Variants in FAM13A observed in about 807,000 individuals in gnomAD.
The protein encoded by FAM13A is family with sequence similarity 13 member A, also known as protein FAM13A.
FAM13A carries 76 observed loss-of-function variants against 129.6 expected under a neutral mutation model. The observed-to-expected ratio is 0.59, with a 90% confidence interval of 0.49 to 0.71. The LOEUF (loss-of-function observed/expected upper bound fraction) is 0.71. FAM13A is among the 30% of genes least tolerant of loss of function. FAM13A has a pLI of 0.00. For synonymous variants in FAM13A, 443 were observed against 449.9 expected (o/e 0.98, Z 0.20); for missense variants, 1,108 against 1,249.3 (o/e 0.89, Z 1.70).
rs544211559 is a variant in FAM13A at position 88,866,806 on chromosome 4, T to C, written c.844-15623A>G. Among the ~76,000 whole-genome samples, 102 of 152,314 alleles carry C rather than the reference T, an allele frequency of 6.7e-4. 1 individual carries two copies. Among genetic ancestry groups the C allele is most frequent in the African/African-American group, 2.5e-3 (102 of 41,558 alleles). ...AAATAGAATGTTTTAGAGAGAAATA[T>C]GGCGACATACACTCTTCCTGAAAAT... On this transcript the variant is annotated intron_variant, in intron 6 of 23. Coordinates refer to ENST00000264344, the MANE Select transcript of FAM13A (RefSeq NM_014883.4).
Position 88,976,010 on chromosome 4 carries a change from T to C in FAM13A, c.605+14963A>G, listed in dbSNP as rs541360104. On this transcript the variant is annotated intron_variant, in intron 4 of 23. Coordinates refer to ENST00000264344, the MANE Select transcript of FAM13A (RefSeq NM_014883.4). ...CATTTTATAGAGCCTTAGGTCATCCTTTGTTAAATAAAATGTACTGCGCTG... is the reference window on the plus strand; with the variant it reads ...CATTTTATAGAGCCTTAGGTCATCCCTTGTTAAATAAAATGTACTGCGCTG... 7.4e-4 allele frequency among the ~76,000 whole-genome samples: 112 copies of C among 152,318 alleles called. 1 individual carries two copies. The highest frequency in any genetic ancestry group is 1.3e-3 in the Admixed American group (20 of 15,298).
chr4:88,773,810 T>C (rs1178985098), intron 11 of FAM13A, among the ~76,000 whole-genome samples: 1 of 152,204 alleles, frequency 6.6e-6, no homozygotes, highest in Non-Finnish European at 1.5e-5. Context: ...CTGTCAATTA[T>C]TTTACTTTAG....
chr4:89,008,243 C>A (rs1217008950), intron 3 of FAM13A, among the ~76,000 whole-genome samples: 3 of 152,112 alleles, frequency 2.0e-5, no homozygotes, highest in Non-Finnish European at 4.4e-5. Context: ...GACGCCCTAG[C>A]CCCCAATGTG....
intron 4 of FAM13A, among the ~76,000 whole-genome samples, chr4:88,947,285 C>T (rs1042400955): frequency 1.3e-5 from 2 of 152,144 alleles, no homozygotes; most frequent in Admixed American, 6.6e-5. Context: ...GTAGTGTGCA[C>T]CTGTAGTCCC....
chr4:88,871,825 C>T (rs141811660), intron 6 of FAM13A, among the ~76,000 whole-genome samples: 1 of 152,046 alleles, frequency 6.6e-6, no homozygotes, highest in African/African-American at 2.4e-5. Flanking sequence ...AGAAAAGCAA[C>T]CCCAAGACAC....
At chr4:89,053,981 A>C (rs1411045806) in intron 1 of FAM13A, among the ~76,000 whole-genome samples, 1 of 152,164 alleles carries the variant, frequency 6.6e-6, no homozygotes. Flanking sequence ...AGAGACTAAA[A>C]TAACATGAAC....
intron 4 of FAM13A, among the ~76,000 whole-genome samples, chr4:88,967,300 G>A (rs974320589): frequency 4.6e-5 from 7 of 152,152 alleles, no homozygotes; most frequent in Admixed American, 3.9e-4. Context: ...TGCACAGTAT[G>A]GTGAGAATAA....
intron 4 of FAM13A, among the ~76,000 whole-genome samples, chr4:88,957,630 G>A (rs1178819135): frequency 2.0e-5 from 3 of 152,202 alleles, no homozygotes; most frequent in East Asian, 1.9e-4. Flanking sequence ...AACAGGCAGA[G>A]GTTGGAAGAG....
chr4:88,869,785 G>GAA (rs1213419445), intron 6 of FAM13A, among the ~76,000 whole-genome samples: 3 of 151,990 alleles, frequency 2.0e-5, no homozygotes, highest in Non-Finnish European at 2.9e-5. Flanking sequence ...TATGTATTCT[G>GAA]AAAAAAATAA....
At chr4:88,803,426 T>C (rs538796817) in intron 8 of FAM13A, among the ~76,000 whole-genome samples, 2 of 152,336 alleles carry the variant, frequency 1.3e-5, no homozygotes, top group East Asian at 3.9e-4. Flanking sequence ...TACTGTATTT[T>C]CTTGTACTTT....
At chr4:89,023,031 C>T (rs1027118154) in intron 2 of FAM13A, among the ~76,000 whole-genome samples, 10 of 152,170 alleles carry the variant, frequency 6.6e-5, no homozygotes, top group Non-Finnish European at 1.5e-4. Context: ...TATCTGGATT[C>T]CTGACCCACA....
intron 3 of FAM13A, among the ~76,000 whole-genome samples, chr4:89,017,776 G>T (rs1203362969): frequency 6.6e-6 from 1 of 152,014 alleles, no homozygotes; most frequent in East Asian, 1.9e-4. Context: ...TTCCAAATAG[G>T]AGGAATTGTC....
At chr4:89,038,047 C>A (rs1769618421) in intron 1 of FAM13A, among the ~76,000 whole-genome samples, 1 of 152,178 alleles carries the variant, frequency 6.6e-6, no homozygotes, top group African/African-American at 2.4e-5. Context: ...CAGAACATAA[C>A]CCCAGATCCT....
chr4:88,842,023 G>A (rs914830215), intron 7 of FAM13A, among the ~76,000 whole-genome samples: 1 of 152,106 alleles, frequency 6.6e-6, no homozygotes, highest in Non-Finnish European at 1.5e-5. Flanking sequence ...ACTAATGAGT[G>A]GATAAGCAAA....
intron 5 of FAM13A, among the ~76,000 whole-genome samples, chr4:88,924,524 C>T (rs1383729344): frequency 1.3e-5 from 2 of 152,148 alleles, no homozygotes; most frequent in Non-Finnish European, 2.9e-5. Flanking sequence ...AAACTGGACC[C>T]CTTCTTTAAA....
intron 7 of FAM13A, among the ~76,000 whole-genome samples, chr4:88,844,738 C>G (rs1259979825): frequency 3.3e-5 from 5 of 152,112 alleles, no homozygotes; most frequent in African/African-American, 1.2e-4. Context: ...TTATATAGTT[C>G]TGAGCAGGAG....
At chr4:89,005,310 C>T (rs1291737681) in intron 3 of FAM13A, among the ~76,000 whole-genome samples, 2 of 152,170 alleles carry the variant, frequency 1.3e-5, no homozygotes, top group Non-Finnish European at 2.9e-5. Flanking sequence ...TTTATCCAAT[C>T]TGTCATTGAT....
At chr4:89,051,942 C>T (rs2149184693) in intron 1 of FAM13A, among the ~76,000 whole-genome samples, 1 of 152,320 alleles carries the variant, frequency 6.6e-6, no homozygotes, top group East Asian at 1.9e-4. Context: ...TCTCTAGGTG[C>T]TCCTGCCCCC....
At chr4:88,842,279 G>A (rs1735968446) in intron 7 of FAM13A, among the ~76,000 whole-genome samples, 2 of 152,200 alleles carry the variant, frequency 1.3e-5, no homozygotes, top group Admixed American at 6.6e-5. Flanking sequence ...CCAGATAAAA[G>A]GGAAAATGTT....
Sources: allele counts gnomAD v4.1 joint callset (sites outside exome capture counted in the v4.1 genomes callset), GRCh38; gene constraint gnomAD v4.1.1; transcripts MANE v1.5; gene names NCBI Gene and HGNC (gene_info 2026-07-23, HGNC 2026-07-21).